Variants in TNFRSF19 observed in about 807,000 individuals in gnomAD.
The protein encoded by TNFRSF19 is TNF receptor superfamily member 19.
In TNFRSF19, 27 loss-of-function variants were observed where a neutral mutation model predicts 46.4. That is an observed-to-expected ratio of 0.58 (90% CI 0.43 to 0.80). The LOEUF is 0.80. TNFRSF19 is among the 30% of genes least tolerant of loss of function. The pLI is 0.00. For missense variants in TNFRSF19, 511 were observed against 530.8 expected, an observed-to-expected ratio of 0.96 and a Z score of 0.37; for synonymous variants, 204 against 205.0, an observed-to-expected ratio of 1.00 and a Z score of 0.04.
intron 3 of TNFRSF19, among the ~76,000 whole-genome samples, chr13:23,609,929 A>C (rs1168229290): frequency 6.6e-6 from 1 of 152,082 alleles, no homozygotes; most frequent in Non-Finnish European, 1.5e-5. Flanking sequence ...TCTCTAAAAA[A>C]CTCAAGCACA....
At chr13:23,604,063 TCTC>T (rs1490328137) in intron 3 of TNFRSF19, among the ~76,000 whole-genome samples, 1 of 151,798 alleles carries the variant, frequency 6.6e-6, no homozygotes, top group Non-Finnish European at 1.5e-5. Flanking sequence ...GAAATAAACT[TCTC>T]CTTGTTCACA....
chr13:23,582,250 A>G (rs966900750), intron 1 of TNFRSF19, among the ~76,000 whole-genome samples: 21 of 131,450 alleles, frequency 1.6e-4, no homozygotes, highest in Admixed American at 4.6e-4. Flanking sequence ...AAAAAAAAAA[A>G]ATTAGCCGGG....
In TNFRSF19 at chr13:23,593,322, T is replaced by G. The variant is rs746968632; in HGVS notation, c.70-23T>G. 15 of 1,462,386 alleles carry G rather than the reference T, an allele frequency of 1.0e-5. No individual in the cohort carries two copies. In the East Asian group the frequency reaches 3.3e-4, roughly 32 times the overall value. 90.6% of individuals were successfully genotyped at this position (1,462,386 alleles called of 1,614,324 possible). ...ATGTTTAACATACTTTAAGATAACA[T>G]TTTGTTAAATTTTTTTTTTCAGTCA... On this transcript the variant is annotated intron_variant, in intron 2 of 9. Coordinates refer to ENST00000248484, the MANE Select transcript of TNFRSF19 (RefSeq NM_148957.4).
chr13:23,609,660 A>C (rs1290006471), intron 3 of TNFRSF19, among the ~76,000 whole-genome samples: 1 of 152,222 alleles, frequency 6.6e-6, no homozygotes, highest in Non-Finnish European at 1.5e-5. Flanking sequence ...TAATGTGAAA[A>C]AATTAACTCT....
chr13:23,579,961 C>T (rs916467216), intron 1 of TNFRSF19, among the ~76,000 whole-genome samples: 1 of 152,232 alleles, frequency 6.6e-6, no homozygotes, highest in African/African-American at 2.4e-5. Flanking sequence ...GGGCCGCATC[C>T]CGGACCAGCG....
chr13:23,588,129 T>C (rs1418761141), intron 1 of TNFRSF19, among the ~76,000 whole-genome samples: 1 of 152,242 alleles, frequency 6.6e-6, no homozygotes, highest in African/African-American at 2.4e-5. Flanking sequence ...CTCCTGAAAG[T>C]GCTTTACAGC....
chr13:23,583,974 G>A (rs1252103043), intron 1 of TNFRSF19, among the ~76,000 whole-genome samples: 1 of 152,206 alleles, frequency 6.6e-6, no homozygotes, highest in Non-Finnish European at 1.5e-5. Flanking sequence ...TTTTCCTAAT[G>A]CAAAGATGAT....
At chr13:23,631,657 C>T (rs141835700) in intron 5 of TNFRSF19, among the ~76,000 whole-genome samples, 324 of 152,288 alleles carry the variant, frequency 2.1e-3, no homozygotes, top group African/African-American at 7.5e-3. Context: ...GTAAGAGTAC[C>T]TCTTTTAAAC....
intron 5 of TNFRSF19, among the ~76,000 whole-genome samples, chr13:23,642,656 C>T (rs1214620168): frequency 6.6e-6 from 1 of 152,150 alleles, no homozygotes; most frequent in Non-Finnish European, 1.5e-5. Flanking sequence ...GGGATGATGG[C>T]CTGTTGATGT....
intron 3 of TNFRSF19, among the ~76,000 whole-genome samples, chr13:23,614,769 A>ATATATAT (rs59907466): frequency 3.4e-5 from 5 of 147,114 alleles, no homozygotes; most frequent in Admixed American, 1.4e-4. Context: ...ATATATATAT[A>ATATATAT]GTACCTGGCA....
At chr13:23,646,999 A>G (rs1883369830) in intron 5 of TNFRSF19, among the ~76,000 whole-genome samples, 1 of 152,212 alleles carries the variant, frequency 6.6e-6, no homozygotes, top group Non-Finnish European at 1.5e-5. Context: ...ATGAAGTGGT[A>G]TCTCATCATG....
intron 3 of TNFRSF19, among the ~76,000 whole-genome samples, chr13:23,605,255 C>T (rs1880430424): frequency 6.6e-6 from 1 of 152,064 alleles, no homozygotes; most frequent in African/African-American, 2.4e-5. Context: ...TTAAGCAACG[C>T]GATATCACCG....
chr13:23,596,363 C>A (rs1879724763), intron 3 of TNFRSF19, among the ~76,000 whole-genome samples: 1 of 151,972 alleles, frequency 6.6e-6, no homozygotes, highest in Non-Finnish European at 1.5e-5. Flanking sequence ...ATCTCACGTG[C>A]AAAGACACAC....
chr13:23,661,886 G>A (rs1566222527), intron 7 of TNFRSF19, among the ~76,000 whole-genome samples: 1 of 151,764 alleles, frequency 6.6e-6, no homozygotes, highest in South Asian at 2.1e-4. Context: ...TTTTTGATGG[G>A]GTTGTTTTTC....
chr13:23,583,842 G>C (rs1878633010), intron 1 of TNFRSF19, among the ~76,000 whole-genome samples: 1 of 150,832 alleles, frequency 6.6e-6, no homozygotes, highest in African/African-American at 2.4e-5. Flanking sequence ...GGTCCCCTTA[G>C]TCCCTGATGC....
At chr13:23,655,738 GCC>G (rs11335098) in intron 5 of TNFRSF19, among the ~76,000 whole-genome samples, 24 of 150,044 alleles carry the variant, frequency 1.6e-4, no homozygotes, top group South Asian at 1.1e-3. Flanking sequence ...GTATAAATCT[GCC>G]CCCCCCCCTT....
chr13:23,624,838 C>A (rs1881886668), intron 4 of TNFRSF19, among the ~76,000 whole-genome samples: 2 of 151,790 alleles, frequency 1.3e-5, no homozygotes, highest in Non-Finnish European at 2.9e-5. Context: ...GCAACCTCTG[C>A]CTCCCAGGTT....
intron 3 of TNFRSF19, among the ~76,000 whole-genome samples, chr13:23,608,326 A>C (rs923765887): frequency 6.6e-6 from 1 of 152,244 alleles, no homozygotes; most frequent in Non-Finnish European, 1.5e-5. Flanking sequence ...CATATTATGC[A>C]ACTAAGATAA....
chr13:23,614,687 G>T (rs192434829), intron 3 of TNFRSF19, among the ~76,000 whole-genome samples: 1 of 150,674 alleles, frequency 6.6e-6, no homozygotes, highest in Admixed American at 6.6e-5. Context: ...CACAAAGACC[G>T]ACAACAGGTG....
Sources: allele counts gnomAD v4.1 joint callset (sites outside exome capture counted in the v4.1 genomes callset), GRCh38; gene constraint gnomAD v4.1.1; transcripts MANE v1.5; gene names NCBI Gene and HGNC (gene_info 2026-07-23, HGNC 2026-07-21).